The following ZNF521 variants were observed in gnomAD, a reference collection of about 807,000 sequenced individuals.
The protein encoded by ZNF521 is LYST-interacting protein 3.
Under a neutral mutation model 105.5 loss-of-function variants are expected in ZNF521, and 14 were observed. That is an observed-to-expected ratio of 0.13 (90% CI 0.09 to 0.21). The LOEUF is 0.21. ZNF521 is among the 10% of genes least tolerant of loss of function. The pLI is 1.00. For synonymous variants in ZNF521, 635 were observed against 606.0 expected (o/e 1.05, Z -0.70); for missense variants, 1,233 against 1,629.7 (o/e 0.76, Z 4.19).
At chr18:25,198,576 T>TA (rs1032254395) in intron 4 of ZNF521, among the ~76,000 whole-genome samples, 1 of 151,532 alleles carries the variant, frequency 6.6e-6, no homozygotes, top group Non-Finnish European at 1.5e-5. Context: ...CTGAATAGAT[T>TA]AAAAAAAATC....
intron 3 of ZNF521, among the ~76,000 whole-genome samples, chr18:25,294,750 G>C (rs1911227787): frequency 2.0e-5 from 3 of 150,556 alleles, no homozygotes; most frequent in African/African-American, 7.3e-5. Flanking sequence ...AGCTACTAGG[G>C]AGGCTGAGGC....
intron 3 of ZNF521, among the ~76,000 whole-genome samples, chr18:25,270,213 A>G (rs1246462303): frequency 1.3e-5 from 2 of 149,808 alleles, no homozygotes; most frequent in Middle Eastern, 3.2e-3. Context: ...GACACAAACT[A>G]AAGACTAAAC....
In ZNF521 at chr18:25,096,730, T is replaced by C. The variant is rs936582405; in HGVS notation, c.3659-4649A>G. Among the ~76,000 whole-genome samples, 6 of 152,108 alleles carry C rather than the reference T, an allele frequency of 3.9e-5. 1 individual carries two copies. Among genetic ancestry groups the C allele is most frequent in the Admixed American group, 2.6e-4 (4 of 15,268 alleles). On this transcript the variant is annotated intron_variant, in intron 5 of 7. Coordinates refer to ENST00000361524, the MANE Select transcript of ZNF521 (RefSeq NM_015461.3). ...GGGCCAATTTGTAACAGTTTATAAG[T>C]AGAACTCCTTCTCCCTTTTACCCTC...
At chr18:25,280,410 A>G (rs1910290543) in intron 3 of ZNF521, among the ~76,000 whole-genome samples, 1 of 150,632 alleles carries the variant, frequency 6.6e-6, no homozygotes, top group Non-Finnish European at 1.5e-5. Context: ...TTGGGAAGGG[A>G]TGTAAAAAAT....
At chr18:25,327,148 G>A (rs866808838) in intron 2 of ZNF521, among the ~76,000 whole-genome samples, 4 of 152,264 alleles carry the variant, frequency 2.6e-5, no homozygotes, top group South Asian at 2.1e-4. Context: ...TAAAAATAGA[G>A]GGTTTTTGAG....
chr18:25,252,861 G>T (rs747635945), intron 3 of ZNF521, among the ~76,000 whole-genome samples: 4 of 151,968 alleles, frequency 2.6e-5, no homozygotes, highest in Non-Finnish European at 2.9e-5. Flanking sequence ...GCTTTCTACT[G>T]GCTTATACAG....
chr18:25,212,563 A>ATATATATATG (rs1211491286), intron 4 of ZNF521, among the ~76,000 whole-genome samples: 1 of 128,962 alleles, frequency 7.8e-6, no homozygotes, highest in African/African-American at 3.1e-5. Context: ...ATATATATAT[A>ATATATATATG]TATGTATAGA....
intron 5 of ZNF521, among the ~76,000 whole-genome samples, chr18:25,102,922 C>T (rs571624911): frequency 6.6e-6 from 1 of 152,194 alleles, no homozygotes; most frequent in Admixed American, 6.5e-5. Context: ...AACCTGGTGA[C>T]GCCTTTGCTC....
intron 3 of ZNF521, among the ~76,000 whole-genome samples, chr18:25,245,014 T>A (rs28478825): frequency 0.053 from 8,108 of 152,292 alleles, 518 homozygotes; most frequent in African/African-American, 0.15. Flanking sequence ...AGATAATCTA[T>A]TTATAAGCTG....
At chr18:25,245,765 C>T (rs781688860) in intron 3 of ZNF521, among the ~76,000 whole-genome samples, 4 of 152,130 alleles carry the variant, frequency 2.6e-5, no homozygotes, top group Non-Finnish European at 5.9e-5. Flanking sequence ...GTAATCTCAG[C>T]ACTTTGGGAG....
At chr18:25,112,624 A>AT (rs1359984075) in intron 5 of ZNF521, among the ~76,000 whole-genome samples, 1 of 152,126 alleles carries the variant, frequency 6.6e-6, no homozygotes, top group African/African-American at 2.4e-5. Context: ...GACTCCAAGC[A>AT]TTTTGTCTGT....
intron 2 of ZNF521, chr18:25,322,412 T>C: frequency 3.2e-6 from 2 of 619,452 alleles, no homozygotes; most frequent in Non-Finnish European, 5.9e-6. Context: ...ATGTAGCCCT[T>C]TTCCTCTCTC....
chr18:25,217,240 A>G (rs1001638230), intron 4 of ZNF521, among the ~76,000 whole-genome samples: 2 of 152,172 alleles, frequency 1.3e-5, no homozygotes, highest in African/African-American at 4.8e-5. Flanking sequence ...AAGATGAAGG[A>G]GAGGATCTGT....
chr18:25,192,701 A>AC (rs201517225), intron 5 of ZNF521, among the ~76,000 whole-genome samples: 3,031 of 146,108 alleles, frequency 0.021, 42 homozygotes, highest in South Asian at 0.076. Context: ...AAAAAAAAAA[A>AC]ACCACACACA....
At chr18:25,106,161 C>T (rs2034068662) in intron 5 of ZNF521, among the ~76,000 whole-genome samples, 1 of 152,128 alleles carries the variant, frequency 6.6e-6, no homozygotes, top group African/African-American at 2.4e-5. Context: ...TATTAACAAA[C>T]TGTTTGAAAA....
At chr18:25,132,033 C>G (rs547662010) in intron 5 of ZNF521, among the ~76,000 whole-genome samples, 1 of 152,156 alleles carries the variant, frequency 6.6e-6, no homozygotes, top group South Asian at 2.1e-4. Context: ...TTTGCCTCTC[C>G]CTACCCAAGA....
intron 3 of ZNF521, among the ~76,000 whole-genome samples, chr18:25,305,948 A>G (rs1911950005): frequency 6.6e-6 from 1 of 152,228 alleles, no homozygotes; most frequent in Admixed American, 6.5e-5. Context: ...TGCCACAACC[A>G]CAAAAGGCAG....
chr18:25,100,121 T>C (rs1218832749), intron 5 of ZNF521, among the ~76,000 whole-genome samples: 1 of 151,770 alleles, frequency 6.6e-6, no homozygotes, highest in African/African-American at 2.4e-5. Flanking sequence ...CTTCTTCTTC[T>C]TGGCATAAAG....
rs1270965366 is a variant in ZNF521 at position 25,116,963 on chromosome 18, G to A, written c.3659-24882C>T. 5.8e-3 allele frequency among the ~76,000 whole-genome samples: 496 copies of A among 85,678 alleles called. 4 individuals are homozygous for A. The highest frequency in any genetic ancestry group is 0.024 in the African/African-American group (453 of 18,592). 56.2% of individuals were successfully genotyped at this position (85,678 alleles called of 152,430 possible). On this transcript the variant is annotated intron_variant, in intron 5 of 7. Coordinates refer to ENST00000361524, the MANE Select transcript of ZNF521 (RefSeq NM_015461.3). ...TATATACACATATATATGTATATAT[G>A]TATATATATGTATATATATATACAC...
Sources: gnomAD v4.1 joint callset for allele counts (sites outside exome capture counted in the v4.1 genomes callset) on GRCh38, gnomAD v4.1.1 for gene constraint, MANE v1.5 for transcripts, NCBI Gene and HGNC (gene_info 2026-07-23, HGNC 2026-07-21) for gene names.